SDK1: variants seen among roughly 807,000 people sequenced by gnomAD.
SDK1 encodes sidekick cell adhesion molecule 1.
A neutral mutation model predicts 245.5 loss-of-function variants in SDK1; 157 were observed. That is an observed-to-expected ratio of 0.64 (90% CI 0.56 to 0.73). SDK1 has a LOEUF of 0.73. Ranked by LOEUF, SDK1 falls within the 30% of genes least tolerant of loss-of-function variation. The pLI is 0.00. For synonymous variants in SDK1, 1,647 were observed against 1,278.5 expected (o/e 1.29, Z -6.15); for missense variants, 3,583 against 3,002.3 (o/e 1.19, Z -4.52).
chr7:3,744,876 A>G (rs970601869), intron 4 of SDK1, among the ~76,000 whole-genome samples: 24 of 152,256 alleles, frequency 1.6e-4, no homozygotes, highest in Non-Finnish European at 1.8e-4. Context: ...TAGAAAACAA[A>G]CAAAAATGTA....
intron 1 of SDK1, among the ~76,000 whole-genome samples, chr7:3,599,393 T>A (rs1232329851): frequency 2.0e-5 from 3 of 152,208 alleles, no homozygotes; most frequent in Non-Finnish European, 2.9e-5. Flanking sequence ...ATAATGTGGT[T>A]TGCCTGTATT....
intron 1 of SDK1, among the ~76,000 whole-genome samples, chr7:3,387,878 A>G (rs6950287): frequency 0.11 from 17,201 of 152,262 alleles, 1,101 homozygotes; most frequent in African/African-American, 0.17. Context: ...AACCCTGTTA[A>G]GTAGCTAATA....
chr7:3,478,733 G>A (rs543134010), intron 1 of SDK1, among the ~76,000 whole-genome samples: 1 of 152,096 alleles, frequency 6.6e-6, no homozygotes, highest in Non-Finnish European at 1.5e-5. Flanking sequence ...CCTGATTCAT[G>A]TTTATACTGT....
rs1364865458 is a variant in SDK1, at chr7:3,301,703, G to C, written c.117G>C (p.Ser39=). The C allele has an allele frequency of 2.5e-5, 24 of 975,594 alleles. No individual in the cohort carries two copies. The highest frequency in any genetic ancestry group is 2.9e-5 in the Non-Finnish European group (24 of 825,014). The allele number at this position is 975,594 out of a possible 1,614,324, so 60.4% of individuals were successfully genotyped here. A position where few individuals can be genotyped will look rare whatever the true frequency, so the allele number is the denominator to read the frequency against. ...CCCCGCCCGGCCGCGCCCGCCCCTC[G>C]CTGGCGCCGCGCCCCGGCCCGGAGC... The part of the protein sequence containing the change: ...RGSPPGRARP[S]LAPRPGPEPS... The change falls in exon 1 of 45, where the codon TCG becomes TCC. Residue 39 remains serine (S), a synonymous_variant. Coordinates refer to ENST00000404826, the MANE Select transcript of SDK1 (RefSeq NM_152744.4).
chr7:3,525,752 C>T (rs73035965), intron 1 of SDK1, among the ~76,000 whole-genome samples: 1 of 152,180 alleles, frequency 6.6e-6, no homozygotes, highest in Non-Finnish European at 1.5e-5. Flanking sequence ...TTCCTGTCTC[C>T]ATTGTAAAAT....
intron 5 of SDK1, among the ~76,000 whole-genome samples, chr7:3,932,214 T>C (rs1161363269): frequency 6.6e-6 from 1 of 152,222 alleles, no homozygotes; most frequent in Non-Finnish European, 1.5e-5. Flanking sequence ...CCCCCCTCAC[T>C]AATGCTTGTG....
chr7:3,722,044 T>G (rs1778827586), intron 4 of SDK1, among the ~76,000 whole-genome samples: 1 of 152,084 alleles, frequency 6.6e-6, no homozygotes, highest in Non-Finnish European at 1.5e-5. Flanking sequence ...TTTTTTTGTT[T>G]TTTTGAGGTT....
chr7:3,427,883 G>A lies in SDK1; in HGVS notation c.298+125999G>A, dbSNP rs527361803. Among the ~76,000 whole-genome samples, 117 of 110,192 alleles carry A rather than the reference G, an allele frequency of 1.1e-3. 1 individual carries two copies. The highest frequency in any genetic ancestry group is 6.3e-3 in the African/African-American group (109 of 17,278). The allele number at this position is 110,192 out of a possible 152,430, so 72.3% of individuals were successfully genotyped here. On this transcript the variant is annotated intron_variant, in intron 1 of 44. Coordinates refer to ENST00000404826, the MANE Select transcript of SDK1 (RefSeq NM_152744.4). Reference sequence around the variant, plus strand: ...ATGTCGTTAGTGTCTCTTAGATGTCGTTAGTGTCTCTTAGATGTCGTTAGT... The same window carrying A: ...ATGTCGTTAGTGTCTCTTAGATGTCATTAGTGTCTCTTAGATGTCGTTAGT...
At chr7:3,986,436 A>G (rs1209516376) in intron 13 of SDK1, among the ~76,000 whole-genome samples, 1 of 152,252 alleles carries the variant, frequency 6.6e-6, no homozygotes, top group Non-Finnish European at 1.5e-5. Flanking sequence ...ATTTTCGCTC[A>G]TAACTCTAAA....
Position 3,751,129 on chromosome 7 carries a change from G to A in SDK1, c.714-70321G>A, listed in dbSNP as rs533245365. The stretch of plus-strand genomic sequence containing the variant: ...TGTTGGTCCCACTCTTCCTCCAGTC[G>A]CTGTGTGGCTACCAGCCTGAGGGCT... On this transcript the variant is annotated intron_variant, in intron 4 of 44. Transcript: ENST00000404826. Among the ~76,000 whole-genome samples, 6 of 152,306 alleles carry A rather than the reference G, an allele frequency of 3.9e-5. No individual in the cohort carries two copies. In the South Asian group the frequency reaches 8.3e-4, roughly 21 times the overall value.
intron 1 of SDK1, among the ~76,000 whole-genome samples, chr7:3,565,920 A>G (rs919671482): frequency 2.0e-5 from 3 of 152,242 alleles, no homozygotes; most frequent in South Asian, 2.1e-4. Flanking sequence ...CAGAGGATGA[A>G]CTGTACATAT....
rs1417949354 is a variant in SDK1, at chr7:4,233,425, C to T, written c.5992+6C>T. On this transcript the variant is annotated splice_donor_region_variant and intron_variant, in intron 41 of 44. Transcript: ENST00000404826. ...CCCCTCCACGGCTGTGTCAGGTAGG[C>T]CCTCCCAGGGAGGTCTGTCTTCTTC... The T allele has an allele frequency of 1.2e-6, 2 of 1,609,600 alleles. No homozygotes were observed. Among genetic ancestry groups the T allele is most frequent in the Non-Finnish European group, 1.7e-6 (2 of 1,179,056 alleles).
chr7:3,421,380 C>G (rs563213452), intron 1 of SDK1, among the ~76,000 whole-genome samples: 4 of 152,072 alleles, frequency 2.6e-5, no homozygotes, highest in Non-Finnish European at 5.9e-5. Flanking sequence ...CTGGCCTGCA[C>G]TCTCACTTCT....
At chr7:3,682,989 C>T (rs946934884) in intron 4 of SDK1, among the ~76,000 whole-genome samples, 6 of 152,166 alleles carry the variant, frequency 3.9e-5, no homozygotes, top group Admixed American at 2.0e-4. Flanking sequence ...CTGTCTCAGC[C>T]TCCCAAAGTG....
chr7:4,050,137 A>C (rs889856777), intron 18 of SDK1, among the ~76,000 whole-genome samples: 5 of 152,216 alleles, frequency 3.3e-5, no homozygotes, highest in African/African-American at 1.2e-4. Context: ...AATCGTCTTT[A>C]ATAGACGATG....
At chr7:3,600,803 C>G (rs540351647) in intron 1 of SDK1, among the ~76,000 whole-genome samples, 4 of 152,126 alleles carry the variant, frequency 2.6e-5, no homozygotes, top group Admixed American at 2.6e-4. Context: ...CCATCTCGGC[C>G]TCCCAAAGTG....
intron 1 of SDK1, among the ~76,000 whole-genome samples, chr7:3,593,888 A>G (rs1031072714): frequency 1.4e-4 from 22 of 152,214 alleles, no homozygotes; most frequent in African/African-American, 5.3e-4. Context: ...AATGAAGATA[A>G]TAGCACTTAC....
intron 4 of SDK1, among the ~76,000 whole-genome samples, chr7:3,762,513 TG>T (rs1249101856): frequency 6.6e-6 from 1 of 152,278 alleles, no homozygotes; most frequent in African/African-American, 2.4e-5. Flanking sequence ...CGATACTTGC[TG>T]CAAATGCAAT....
At chr7:4,157,119 G>T (rs1226615824) in intron 30 of SDK1, among the ~76,000 whole-genome samples, 1 of 152,112 alleles carries the variant, frequency 6.6e-6, no homozygotes, top group East Asian at 1.9e-4. Flanking sequence ...TGCAGGGCGG[G>T]TCCCTGACCG....
Sources: gnomAD v4.1 joint callset for allele counts (sites outside exome capture counted in the v4.1 genomes callset) on GRCh38, gnomAD v4.1.1 for gene constraint, MANE v1.5 for transcripts, NCBI Gene and HGNC (gene_info 2026-07-23, HGNC 2026-07-21) for gene names.